Variants in SNRNP48 observed in about 807,000 individuals in gnomAD.
The protein encoded by SNRNP48 is U11/U12 small nuclear ribonucleoprotein 48 kDa protein.
A neutral mutation model predicts 47.0 loss-of-function variants in SNRNP48; 43 were observed. The observed-to-expected ratio is 0.92, with a 90% CI of 0.72 to 1.18. The LOEUF is 1.18. Ranked by LOEUF, SNRNP48 falls within the 50% of genes most tolerant of loss-of-function variation. The pLI, the probability that SNRNP48 is intolerant of heterozygous loss-of-function variation, is 0.00. For missense variants in SNRNP48, 396 were observed against 422.2 expected (o/e 0.94, Z 0.54); for synonymous variants, 138 against 144.0 (o/e 0.96, Z 0.30).
rs1346584205 is a variant in SNRNP48 at position 7,590,820 on chromosome 6, G to A, written c.156+407G>A. On this transcript the variant is annotated intron_variant, in intron 1 of 8. Transcript: ENST00000342415. ...TGGTGAAACCTCTTCTCTACCAAAAGTACAAAAATTAGCCGGGTGTGGTGG... is the reference window on the plus strand; with the variant it reads ...TGGTGAAACCTCTTCTCTACCAAAAATACAAAAATTAGCCGGGTGTGGTGG... Among the ~76,000 whole-genome samples, 3 of 152,140 alleles carry A rather than the reference G, an allele frequency of 2.0e-5. No individual in the cohort carries two copies. In the East Asian group the frequency reaches 5.8e-4, roughly 29 times the overall value.
intron 4 of SNRNP48, 71 bp downstream of exon 4, chr6:7,595,172 T>A: frequency 1.5e-6 from 2 of 1,339,572 alleles, no homozygotes; most frequent in Middle Eastern, 2.3e-4. Context: ...TGTTACTAAT[T>A]TTCTTCAAGA....
At chr6:7,596,181 G>A (rs1177607958) in intron 4 of SNRNP48, among the ~76,000 whole-genome samples, 1 of 151,964 alleles carries the variant, frequency 6.6e-6, no homozygotes, top group African/African-American at 2.4e-5. Flanking sequence ...AGGAAGAATT[G>A]CTTGAACCCA....
chr6:7,595,793 A>G (rs1759894644), intron 4 of SNRNP48, among the ~76,000 whole-genome samples: 1 of 152,222 alleles, frequency 6.6e-6, no homozygotes, highest in African/African-American at 2.4e-5. Context: ...TCTCAGAAAA[A>G]AAGTACAAAC....
chr6:7,601,342 A>G lies in SNRNP48; in HGVS notation c.413A>G (p.Tyr138Cys). 1 of 1,565,374 alleles carries G rather than the reference A, an allele frequency of 6.4e-7. No individual in the cohort carries two copies. The highest frequency in any genetic ancestry group is 1.2e-5 in the South Asian group (1 of 80,978). ...KDSDCYNQRI[Y>C]SSLPVEVPLN... Reference sequence around the variant, plus strand: ...GATTTTATTTTTACTTTAGGAATTTATTCTTCATTGCCTGTTGAAGTTCCT... The same window carrying G: ...GATTTTATTTTTACTTTAGGAATTTGTTCTTCATTGCCTGTTGAAGTTCCT... Residue 138 changes from tyrosine to cysteine, a missense_variant, in exon 5 of 9, where the codon TAT becomes TGT. Physicochemically the swap from Tyr to Cys is radical, Grantham distance 194 (BLOSUM62 -2). Coordinates refer to ENST00000342415, the MANE Select transcript of SNRNP48 (RefSeq NM_152551.4).
chr6:7,601,917 G>A (rs761938407), intron 5 of SNRNP48, among the ~76,000 whole-genome samples: 3 of 151,992 alleles, frequency 2.0e-5, no homozygotes, highest in Admixed American at 6.6e-5. Context: ...GCAGTAGCGC[G>A]ATCTCAGTTC....
intron 4 of SNRNP48, among the ~76,000 whole-genome samples, chr6:7,597,960 G>A (rs1005613394): frequency 2.0e-5 from 3 of 150,686 alleles, no homozygotes; most frequent in African/African-American, 7.3e-5. Context: ...CTGCCACCTG[G>A]GTTCACGCCA....
In SNRNP48 at chr6:7,606,060, A is replaced by AT; in HGVS notation, c.838dup (p.Ser280PhefsTer12). ...GAAGAAAGGCGATCAGCTTCAGTAG[A>AT]TTCACGGCAGTCTGGTGGAAGCTAT... On this transcript the variant is annotated frameshift_variant, in exon 8 of 9. Coordinates refer to ENST00000342415, the MANE Select transcript of SNRNP48 (RefSeq NM_152551.4). LOFTEE classifies it high-confidence loss of function. 6.2e-7 allele frequency: 1 copy of AT among 1,609,596 alleles called. No homozygotes were observed. The highest frequency in any genetic ancestry group is 1.1e-5 in the South Asian group (1 of 90,240).
rs909425050 is a variant in SNRNP48, at chr6:7,609,730, A to G, written c.*857A>G. ...CTTAATGTTTCATTTAATTTAAAAT[A>G]TACTGTCATGTTGTGTTTTGTAAAT... is the stretch of plus-strand genomic sequence containing the variant. On this transcript the variant is annotated 3_prime_UTR_variant, in exon 9 of 9. Coordinates refer to ENST00000342415, the MANE Select transcript of SNRNP48 (RefSeq NM_152551.4). 9.9e-5 allele frequency: 15 copies of G among 152,174 alleles called. No individual in the cohort carries two copies. Among genetic ancestry groups the G allele is most frequent in the African/African-American group, 3.1e-4 (13 of 41,426 alleles). The allele number at this position is 152,174 out of a possible 1,614,324, so 9.4% of individuals were successfully genotyped here. A position where few individuals can be genotyped will look rare whatever the true frequency, so the allele number is the denominator to read the frequency against.
chr6:7,592,389 T>A (rs1364622681), intron 1 of SNRNP48, among the ~76,000 whole-genome samples: 1 of 151,500 alleles, frequency 6.6e-6, no homozygotes, highest in African/African-American at 2.4e-5. Context: ...TTTTTTTTTT[T>A]AATGAAGGCA....
intron 5 of SNRNP48, among the ~76,000 whole-genome samples, chr6:7,601,984 G>C (rs1760032046): frequency 6.6e-6 from 1 of 151,988 alleles, no homozygotes; most frequent in Non-Finnish European, 1.5e-5. Context: ...CTCCTGAGTA[G>C]CTGGGATTAC....
At chr6:7,606,543 T>C (rs1760131967) in intron 8 of SNRNP48, among the ~76,000 whole-genome samples, 1 of 152,184 alleles carries the variant, frequency 6.6e-6, no homozygotes, top group Non-Finnish European at 1.5e-5. Context: ...CCTTCCTCTT[T>C]CTCTTATTCT....
At chr6:7,599,920 G>A (rs886273158) in intron 4 of SNRNP48, 1 of 988,216 alleles carries the variant, frequency 1.0e-6, no homozygotes, top group African/African-American at 1.7e-5. Flanking sequence ...ATTTAAGAAG[G>A]AAATTATATT....
At chr6:7,600,174 A>G (rs1477439504) in intron 4 of SNRNP48, 2 of 991,654 alleles carry the variant, frequency 2.0e-6, no homozygotes, top group Non-Finnish European at 2.4e-6. Context: ...AAAAATGGCC[A>G]TATATTGTTA....
rs1053435322 is a variant in SNRNP48 at position 7,610,183 on chromosome 6, T to A, written c.*1310T>A. 3 of 152,238 alleles carry A rather than the reference T, an allele frequency of 2.0e-5. No homozygotes were observed. The highest frequency in any genetic ancestry group is 7.2e-5 in the African/African-American group (3 of 41,466). The allele number at this position is 152,238 out of a possible 1,614,324, so 9.4% of individuals were successfully genotyped here. A position where few individuals can be genotyped will look rare whatever the true frequency, so the allele number is the denominator to read the frequency against. On this transcript the variant is annotated 3_prime_UTR_variant, in exon 9 of 9. Transcript: ENST00000342415. ...ATCTAAATAGCAATATTTTGAATAC[T>A]GGAAACTCAGGTTAAAGATTTTGTT...
intron 4 of SNRNP48, among the ~76,000 whole-genome samples, chr6:7,598,359 A>G (rs868044105): frequency 6.6e-6 from 1 of 151,952 alleles, no homozygotes; most frequent in Middle Eastern, 3.4e-3. Context: ...GCCAGGCGCT[A>G]TGGTGCGTGC....
rs1408020881 is a variant in SNRNP48 at position 7,609,737 on chromosome 6, CATGTT to C, written c.*865_*869del. 2 of 152,056 alleles carry C rather than the reference CATGTT, an allele frequency of 1.3e-5. No individual in the cohort carries two copies. Among genetic ancestry groups the C allele is most frequent in the African/African-American group, 4.8e-5 (2 of 41,380 alleles). The allele number at this position is 152,056 out of a possible 1,614,324, so 9.4% of individuals were successfully genotyped here. A position where few individuals can be genotyped will look rare whatever the true frequency, so the allele number is the denominator to read the frequency against. ...TTTCATTTAATTTAAAATATACTGT[CATGTT>C]GTGTTTTGTAAATCAACTGAATTGA... On this transcript the variant is annotated 3_prime_UTR_variant, in exon 9 of 9. Coordinates refer to ENST00000342415, the MANE Select transcript of SNRNP48 (RefSeq NM_152551.4).
chr6:7,605,392 C>T lies in SNRNP48; in HGVS notation c.718-6C>T. On this transcript the variant is annotated splice_polypyrimidine_tract_variant and splice_region_variant and intron_variant, in intron 6 of 8. Transcript: ENST00000342415. ...TACCTGAAGTTCGGTGCTTACCTCT[C>T]CCAAGGTGATTCGAGATGTGATAAA... is the stretch of plus-strand genomic sequence containing the variant. 2 of 1,613,656 alleles carry T rather than the reference C, an allele frequency of 1.2e-6. No individual in the cohort carries two copies. Among genetic ancestry groups the T allele is most frequent in the Non-Finnish European group, 1.7e-6 (2 of 1,179,744 alleles).
intron 4 of SNRNP48, chr6:7,600,169 T>C (rs968476559): frequency 2.0e-5 from 20 of 991,538 alleles, no homozygotes; most frequent in African/African-American, 5.2e-5. Context: ...CGAGTAAAAA[T>C]GGCCATATAT....
Position 7,590,277 on chromosome 6 carries a change from C to T in SNRNP48, c.20C>T (p.Pro7Leu), listed in dbSNP as rs773639324. Residue 7 changes from proline to leucine, a missense_variant, in exon 1 of 9, where the codon CCT becomes CTT. Transcript: ENST00000342415. ...GCAGCTATGGAGGGCGAGCCTCCACCTGTGGAGGAGCGGCGGCGGCTGCAG... is the reference window on the plus strand; with the variant it reads ...GCAGCTATGGAGGGCGAGCCTCCACTTGTGGAGGAGCGGCGGCGGCTGCAG... MEGEPP[P>L]VEERRRLQEE... 1 of 1,365,582 alleles carries T rather than the reference C, an allele frequency of 7.3e-7. No homozygotes were observed. The highest frequency in any genetic ancestry group is 2.8e-5 in the East Asian group (1 of 35,918). 84.6% of individuals were successfully genotyped at this position (1,365,582 alleles called of 1,614,324 possible). A position where few individuals can be genotyped will look rare whatever the true frequency, so the allele number is the denominator to read the frequency against.
Sources: allele counts gnomAD v4.1 joint callset (sites outside exome capture counted in the v4.1 genomes callset), GRCh38; gene constraint gnomAD v4.1.1; transcripts MANE v1.5; gene names NCBI Gene and HGNC (gene_info 2026-07-23, HGNC 2026-07-21).